MTCL1: variants seen among roughly 807,000 people sequenced by gnomAD.
MTCL1 encodes the protein microtubule crosslinking factor 1.
Under a neutral mutation model 141.4 loss-of-function variants are expected in MTCL1, and 79 were observed. The observed-to-expected ratio is 0.56, with a 90% CI of 0.47 to 0.67. The LOEUF (loss-of-function observed/expected upper bound fraction) is 0.67, where lower values mean the gene tolerates loss of function less well. Ranked by LOEUF, MTCL1 falls within the 30% of genes least tolerant of loss-of-function variation. MTCL1 has a pLI of 0.00. For missense variants in MTCL1, 2,177 were observed against 2,113.9 expected, an observed-to-expected ratio of 1.03 and a Z score of -0.59; for synonymous variants, 914 against 875.8, an observed-to-expected ratio of 1.04 and a Z score of -0.77.
intron 4 of MTCL1, among the ~76,000 whole-genome samples, chr18:8,726,261 T>A (rs2096210055): frequency 6.7e-6 from 1 of 149,286 alleles, no homozygotes; most frequent in Non-Finnish European, 1.5e-5. Flanking sequence ...AGTATTGGCT[T>A]GGGATAGCTT....
chr18:8,774,254 A>ATGTGTGTGTGTGTGTGTGTGTGTG (rs138724389), intron 4 of MTCL1, among the ~76,000 whole-genome samples: 3 of 150,018 alleles, frequency 2.0e-5, no homozygotes, highest in African/African-American at 7.4e-5. Flanking sequence ...CTCTTTTCGA[A>ATGTGTGTGTGTGTGTGTGTGTGTG]TGTGTGTGTG....
At position 8,820,364 on chromosome 18, in the gene MTCL1, C is replaced by T. The variant is rs796231348; in HGVS notation, c.3157-1103C>T. On this transcript the variant is annotated intron_variant, in intron 13 of 16. Transcript: ENST00000359865. Reference sequence around the variant, plus strand: ...GGCGGAGCTTGTAGTGAGCCAAGATCGCGCCACTGCACTCCAGCCTGGGCG... The same window carrying T: ...GGCGGAGCTTGTAGTGAGCCAAGATTGCGCCACTGCACTCCAGCCTGGGCG... 8.6e-5 allele frequency among the ~76,000 whole-genome samples: 13 copies of T among 151,984 alleles called. 1 individual carries two copies. Among genetic ancestry groups the T allele is most frequent in the African/African-American group, 2.7e-4 (11 of 41,440 alleles).
chr18:8,806,964 G>A, exon 11 of MTCL1: 1 of 1,613,804 alleles, frequency 6.2e-7, no homozygotes, highest in Non-Finnish European at 8.5e-7. Context: ...AGCTGCGGGA[G>A]GATGAGCGTG....
chr18:8,784,336 G>A lies in MTCL1; in HGVS notation c.1224G>A (p.Arg408=), dbSNP rs375519934. Residue 408 remains arginine, a synonymous_variant, in exon 6 of 17, where the codon CGG becomes CGA. Coordinates refer to ENST00000359865, the Ensembl canonical transcript of MTCL1. ...AGAGCCGCCTGCCCCAGCCCAAGCG[G>A]GAAGGGCCTGTTGGCGGGGAGAGTG... 10 of 1,547,772 alleles carry A rather than the reference G, an allele frequency of 6.5e-6. No homozygotes were observed. The African/African-American group carries it at 8.2e-5, about 13-fold the overall frequency.
intron 4 of MTCL1, among the ~76,000 whole-genome samples, chr18:8,770,992 CAAATA>C (rs561381438): frequency 1.0e-3 from 153 of 151,964 alleles, no homozygotes; most frequent in East Asian, 4.2e-3. Context: ...AGAATAAAAA[CAAATA>C]AAATAAAGGG....
intron 4 of MTCL1, among the ~76,000 whole-genome samples, chr18:8,734,463 T>G (rs1345449964): frequency 6.6e-6 from 1 of 152,082 alleles, no homozygotes; most frequent in Non-Finnish European, 1.5e-5. Context: ...AGTCTCCAGC[T>G]TGGCTCATTA....
At chr18:8,794,591 C>T (rs1187117314) in intron 8 of MTCL1, among the ~76,000 whole-genome samples, 6 of 152,214 alleles carry the variant, frequency 3.9e-5, no homozygotes, top group Non-Finnish European at 2.9e-5. Context: ...CACATTGCCC[C>T]TGAGGCCAGT....
At chr18:8,711,355 T>A (rs1157844493) in intron 1 of MTCL1, among the ~76,000 whole-genome samples, 2 of 149,492 alleles carry the variant, frequency 1.3e-5, no homozygotes, top group Non-Finnish European at 3.0e-5. Flanking sequence ...AACATACGTG[T>A]GCATGTGTCT....
At chr18:8,706,616 C>T (rs1043509670) in exon 1 of MTCL1, 46 of 1,539,172 alleles carry the variant, frequency 3.0e-5, no homozygotes, top group Non-Finnish European at 4.0e-5. Flanking sequence ...CCCAAGGAGC[C>T]CAGCCTGGGC....
intron 8 of MTCL1, 125 bp downstream of exon 7, chr18:8,793,245 G>T: frequency 7.6e-7 from 1 of 1,315,508 alleles, no homozygotes; most frequent in Non-Finnish European, 1.0e-6. Context: ...TCCTGGGCAC[G>T]TATGGAAAGG....
intron 1 of MTCL1, among the ~76,000 whole-genome samples, chr18:8,708,288 G>A (rs1414324925): frequency 6.6e-6 from 1 of 152,164 alleles, no homozygotes; most frequent in Non-Finnish European, 1.5e-5. Flanking sequence ...GTTTCTCATT[G>A]CATCTTTGAT....
At chr18:8,782,165 C>T (rs1286740110) in intron 5 of MTCL1, 2 of 152,208 alleles carry the variant, frequency 1.3e-5, no homozygotes, top group Non-Finnish European at 2.9e-5. Flanking sequence ...TGTGAGCACA[C>T]GTGACGATCC....
At chr18:8,721,443 T>A (rs561750505) in intron 4 of MTCL1, among the ~76,000 whole-genome samples, 179 of 152,092 alleles carry the variant, frequency 1.2e-3, no homozygotes, top group African/African-American at 4.2e-3. Flanking sequence ...GGCCCACAGA[T>A]AACAAAACAA....
intron 4 of MTCL1, among the ~76,000 whole-genome samples, chr18:8,764,175 G>A (rs1291765407): frequency 6.6e-6 from 1 of 152,074 alleles, no homozygotes; most frequent in Admixed American, 6.5e-5. Context: ...AAAAAAGGAG[G>A]GGGTGATTAG....
chr18:8,718,168 A>G (rs2096142442), intron 2 of MTCL1, among the ~76,000 whole-genome samples: 1 of 152,144 alleles, frequency 6.6e-6, no homozygotes, highest in Admixed American at 6.5e-5. Flanking sequence ...GGAGTGGGAT[A>G]AGTTCTGAGA....
chr18:8,759,027 G>A (rs2096416824), intron 4 of MTCL1, among the ~76,000 whole-genome samples: 1 of 152,254 alleles, frequency 6.6e-6, no homozygotes. Context: ...AGCAGGGGGT[G>A]TGGAGAGCAT....
At chr18:8,789,113 G>C (rs565829101) in intron 7 of MTCL1, among the ~76,000 whole-genome samples, 16 of 152,348 alleles carry the variant, frequency 1.1e-4, no homozygotes, top group Non-Finnish European at 1.9e-4. Context: ...AGAGGATTGA[G>C]TTTCTGGGTC....
chr18:8,827,037 G>A (rs1298692877), intron 15 of MTCL1, among the ~76,000 whole-genome samples: 1 of 152,202 alleles, frequency 6.6e-6, no homozygotes, highest in Non-Finnish European at 1.5e-5. Context: ...TTTGTGGTTC[G>A]TGCAGCACAG....
chr18:8,710,949 T>C (rs1385832877), intron 1 of MTCL1, among the ~76,000 whole-genome samples: 6 of 150,430 alleles, frequency 4.0e-5, no homozygotes, highest in African/African-American at 1.5e-4. Context: ...GCAGGTTAGT[T>C]ACATATGTAT....
Sources: gnomAD v4.1 joint callset for allele counts (sites outside exome capture counted in the v4.1 genomes callset) on GRCh38, gnomAD v4.1.1 for gene constraint, MANE v1.5 for transcripts, NCBI Gene and HGNC (gene_info 2026-07-23, HGNC 2026-07-21) for gene names.